Variants in MBOAT2 observed in about 807,000 individuals in gnomAD.
MBOAT2 encodes the protein membrane bound glycerophospholipid O-acyltransferase 2, also known as membrane-bound glycerophospholipid O-acyltransferase 2.
Under a neutral mutation model 63.4 loss-of-function variants are expected in MBOAT2, and 28 were observed. The ratio of observed to expected loss-of-function variants is 0.44; its 90% confidence interval spans 0.33 to 0.61. The LOEUF is 0.61. Ranked by LOEUF, MBOAT2 falls within the 20% of genes least tolerant of loss-of-function variation. The pLI is 0.03. For synonymous variants in MBOAT2, 211 were observed against 215.6 expected, an observed-to-expected ratio of 0.98 and a Z score of 0.19; for missense variants, 470 against 605.8, an observed-to-expected ratio of 0.78 and a Z score of 2.35.
In MBOAT2 at chr2:8,856,918, AGGGTTAGCCTTATCAGCC is replaced by A. The variant is rs1018877645; in HGVS notation, c.*1743_*1760del. The A allele has an allele frequency of 1.3e-5, 2 of 152,254 alleles. No individual in the cohort carries two copies. Among genetic ancestry groups the A allele is most frequent in the Non-Finnish European group, 2.9e-5 (2 of 68,038 alleles). 9.4% of individuals were successfully genotyped at this position (152,254 alleles called of 1,614,324 possible). ...TTTAGTTATCAATCCTTTCCTGGGT[AGGGTTAGCCTTATCAGCC>A]GGAAAACACTTACTTTTAGATAAAT... On this transcript the variant is annotated 3_prime_UTR_variant, in exon 13 of 13. Coordinates refer to ENST00000305997, the MANE Select transcript of MBOAT2 (RefSeq NM_138799.4). The surrounding 1 kb of genome is among the most constrained non-coding windows in gnomAD (Gnocchi z 4.2).
chr2:8,873,444 GGC>G, intron 7 of MBOAT2, 144 bp from the exon 8 acceptor site: 1 of 786,028 alleles, frequency 1.3e-6, no homozygotes, highest in Non-Finnish European at 1.9e-6. Flanking sequence ...CATTGCACTT[GGC>G]ATTTAAAGTC....
intron 1 of MBOAT2, among the ~76,000 whole-genome samples, chr2:8,982,615 A>T (rs995985734): frequency 1.3e-5 from 2 of 152,166 alleles, no homozygotes; most frequent in African/African-American, 4.8e-5. Context: ...AATTCCCTCC[A>T]TCCATCTACT....
intron 5 of MBOAT2, 26 bp from the exon 6 acceptor site, chr2:8,882,591 C>G (rs1435995575): frequency 3.1e-6 from 5 of 1,612,072 alleles, no homozygotes; most frequent in Admixed American, 1.7e-5. Flanking sequence ...AGGTACTCAT[C>G]AATTAAGATT....
At chr2:8,921,812 T>C (rs1055571537) in intron 3 of MBOAT2, among the ~76,000 whole-genome samples, 2 of 152,352 alleles carry the variant, frequency 1.3e-5, no homozygotes, top group African/African-American at 4.8e-5. Flanking sequence ...CAAGATGTTC[T>C]CCTCGTCTTT....
intron 1 of MBOAT2, among the ~76,000 whole-genome samples, chr2:8,973,481 C>T (rs1670595625): frequency 6.6e-6 from 1 of 150,700 alleles, no homozygotes; most frequent in African/African-American, 2.4e-5. Context: ...AACAAACCTG[C>T]ACATTGTGCA....
chr2:8,912,486 TC>T (rs1665867880), intron 3 of MBOAT2, among the ~76,000 whole-genome samples: 1 of 152,062 alleles, frequency 6.6e-6, no homozygotes, highest in Non-Finnish European at 1.5e-5. Context: ...ATAAAAGAAT[TC>T]AGCAAAGTTT....
intron 1 of MBOAT2, among the ~76,000 whole-genome samples, chr2:8,981,412 G>A (rs191211880): frequency 6.6e-6 from 1 of 152,168 alleles, no homozygotes; most frequent in East Asian, 1.9e-4. Flanking sequence ...AAATATGTCT[G>A]ATCAAGATGA....
At position 8,930,549 on chromosome 2, in the gene MBOAT2, T is replaced by C. The variant is rs2103201164; in HGVS notation, c.299+12638A>G. On this transcript the variant is annotated intron_variant, in intron 3 of 12. Transcript: ENST00000305997. ...GTGCCACAATAAACATACGTGTGCA[T>C]GTGTCTTTATAGCAGCATGATTTAT... is the stretch of plus-strand genomic sequence containing the variant. Among the ~76,000 whole-genome samples, 3 of 152,242 alleles carry C rather than the reference T, an allele frequency of 2.0e-5. No homozygotes were observed. The South Asian group carries it at 6.2e-4, about 32-fold the overall frequency.
At chr2:8,931,343 G>A (rs1206630235) in intron 3 of MBOAT2, among the ~76,000 whole-genome samples, 7 of 152,134 alleles carry the variant, frequency 4.6e-5, no homozygotes, top group Non-Finnish European at 8.8e-5. Flanking sequence ...AGAAGTGTCA[G>A]TACAGGAAGC....
At position 8,868,677 on chromosome 2, in the gene MBOAT2, A is replaced by C. The variant is rs942960098; in HGVS notation, c.884-128T>G. ...AAAAGTAGATTTATTCTGATTTTTA[A>C]GTCAGAAACAACATCGCATACAATG... On this transcript the variant is annotated intron_variant, in intron 8 of 12. Transcript: ENST00000305997. 8 of 743,852 alleles carry C rather than the reference A, an allele frequency of 1.1e-5. No homozygotes were observed. The East Asian group carries it at 2.0e-4, about 18-fold the overall frequency. 46.1% of individuals were successfully genotyped at this position (743,852 alleles called of 1,614,324 possible).
At chr2:8,902,468 C>A (rs1383960176) in intron 4 of MBOAT2, among the ~76,000 whole-genome samples, 1 of 152,136 alleles carries the variant, frequency 6.6e-6, no homozygotes, top group African/African-American at 2.4e-5. Flanking sequence ...TTCTGATGTT[C>A]GGACGTGTCC....
rs1661026571 is a variant in MBOAT2 at position 8,855,520 on chromosome 2, T to C, written c.*3159A>G. Reference sequence around the variant, plus strand: ...CACACATGGTGGAGACCAATAAATATATTTTTGAAGCAAATGGGCAGTAGT... The same window carrying C: ...CACACATGGTGGAGACCAATAAATACATTTTTGAAGCAAATGGGCAGTAGT... On this transcript the variant is annotated 3_prime_UTR_variant, in exon 13 of 13. Coordinates refer to ENST00000305997, the MANE Select transcript of MBOAT2 (RefSeq NM_138799.4). 1 of 152,244 alleles carries C rather than the reference T, an allele frequency of 6.6e-6. No homozygotes were observed. Among genetic ancestry groups the C allele is most frequent in the Non-Finnish European group, 1.5e-5 (1 of 68,046 alleles). The allele number at this position is 152,244 out of a possible 1,614,324, so 9.4% of individuals were successfully genotyped here. A position where few individuals can be genotyped will look rare whatever the true frequency, so the allele number is the denominator to read the frequency against.
chr2:8,969,372 C>T (rs1328387853), intron 1 of MBOAT2, among the ~76,000 whole-genome samples: 2 of 152,142 alleles, frequency 1.3e-5, no homozygotes, highest in African/African-American at 2.4e-5. Flanking sequence ...CTGAAGGAAG[C>T]ACTAAACATG....
intron 3 of MBOAT2, among the ~76,000 whole-genome samples, chr2:8,929,635 G>A (rs754490560): frequency 9.9e-5 from 15 of 152,198 alleles, no homozygotes; most frequent in African/African-American, 1.7e-4. Context: ...TTACAGGCGT[G>A]AGCCACCGCA....
In MBOAT2 at chr2:8,954,073, T is replaced by C. The variant is rs559813050; in HGVS notation, c.221+4424A>G. Among the ~76,000 whole-genome samples, 3 of 152,296 alleles carry C rather than the reference T, an allele frequency of 2.0e-5. No homozygotes were observed. The East Asian group carries it at 5.8e-4, about 29-fold the overall frequency. On this transcript the variant is annotated intron_variant, in intron 2 of 12. Transcript: ENST00000305997. ...TTTTCATGCAGGTAAGATTTTTTTC[T>C]TTTTCTTTCCTTCCCTATAATGTTA...
At chr2:8,988,867 A>C (rs1244560007) in intron 1 of MBOAT2, among the ~76,000 whole-genome samples, 3 of 152,244 alleles carry the variant, frequency 2.0e-5, no homozygotes, top group Admixed American at 6.5e-5. Context: ...TCCATAATGA[A>C]TCATACACAA....
At position 8,925,041 on chromosome 2, in the gene MBOAT2, T is replaced by C. The variant is rs139989075; in HGVS notation, c.300-16325A>G. The stretch of plus-strand genomic sequence containing the variant: ...AACTACCAATGTAATGGCAGAATCG[T>C]GGAGCAACTGAGAAAGATGATCATC... On this transcript the variant is annotated intron_variant, in intron 3 of 12. Transcript: ENST00000305997. Among the ~76,000 whole-genome samples, 31 of 152,284 alleles carry C rather than the reference T, an allele frequency of 2.0e-4. No homozygotes were observed. The East Asian group carries it at 5.8e-3, about 28-fold the overall frequency.
rs573802627 is a variant in MBOAT2 at position 8,912,422 on chromosome 2, C to A, written c.300-3706G>T. On this transcript the variant is annotated intron_variant, in intron 3 of 12. Coordinates refer to ENST00000305997, the MANE Select transcript of MBOAT2 (RefSeq NM_138799.4). ...AAGAAAGAAAGAAAGAAAGACAGGCCGGCCGGCCTTGAAAACCCTAAGGAC... is the reference window on the plus strand; with the variant it reads ...AAGAAAGAAAGAAAGAAAGACAGGCAGGCCGGCCTTGAAAACCCTAAGGAC... 6.3e-3 allele frequency among the ~76,000 whole-genome samples: 837 copies of A among 132,480 alleles called. 21 individuals carry two copies. The highest frequency in any genetic ancestry group is 0.019 in the African/African-American group (649 of 33,448). 86.9% of individuals were successfully genotyped at this position (132,480 alleles called of 152,430 possible).
At chr2:8,930,819 C>T (rs1667264249) in intron 3 of MBOAT2, among the ~76,000 whole-genome samples, 1 of 151,946 alleles carries the variant, frequency 6.6e-6, no homozygotes, top group South Asian at 2.1e-4. Context: ...ACATATGTAA[C>T]AAACCTGCAC....
Sources: allele counts gnomAD v4.1 joint callset (sites outside exome capture counted in the v4.1 genomes callset), GRCh38; gene constraint gnomAD v4.1.1; non-coding constraint Gnocchi (gnomAD v3.1); transcripts MANE v1.5; gene names NCBI Gene and HGNC (gene_info 2026-07-23, HGNC 2026-07-21).